Variants in CADM2 observed in about 807,000 individuals in gnomAD.
CADM2 encodes immunoglobulin superfamily member 4D.
CADM2 carries 12 observed loss-of-function variants against 49.8 expected under a neutral mutation model. The ratio of observed to expected loss-of-function variants is 0.24; its 90% CI spans 0.15 to 0.39. The LOEUF is 0.39. Ranked by LOEUF, CADM2 falls within the 10% of genes least tolerant of loss-of-function variation. CADM2 has a pLI of 1.00. For missense variants in CADM2, 378 were observed against 492.3 expected, an observed-to-expected ratio of 0.77 and a Z score of 2.20; for synonymous variants, 214 against 175.4, an observed-to-expected ratio of 1.22 and a Z score of -1.74.
intron 8 of CADM2, among the ~76,000 whole-genome samples, chr3:86,040,464 A>C (rs2107233773): frequency 6.6e-6 from 1 of 152,338 alleles, no homozygotes; most frequent in Non-Finnish European, 1.5e-5. Context: ...GATTCGATCA[A>C]CTGGAAGAAA....
chr3:85,182,891 G>A (rs2040970050), intron 1 of CADM2, among the ~76,000 whole-genome samples: 1 of 151,948 alleles, frequency 6.6e-6, no homozygotes, highest in South Asian at 2.1e-4. Context: ...GATAACACTT[G>A]CAAGTATTAC....
At chr3:85,724,242 C>A (rs1298612968) in intron 1 of CADM2, among the ~76,000 whole-genome samples, 1 of 151,468 alleles carries the variant, frequency 6.6e-6, no homozygotes, top group East Asian at 1.9e-4. Context: ...TCCTTTTTTT[C>A]TCTTGTTTTA....
intron 8 of CADM2, among the ~76,000 whole-genome samples, chr3:85,971,396 A>G (rs974476305): frequency 2.0e-5 from 3 of 151,728 alleles, no homozygotes; most frequent in African/African-American, 7.3e-5. Context: ...GAGGAAGCAT[A>G]GATGCATAGA....
intron 1 of CADM2, among the ~76,000 whole-genome samples, chr3:85,116,578 A>G (rs907278484): frequency 6.6e-6 from 1 of 152,174 alleles, no homozygotes; most frequent in South Asian, 2.1e-4. Flanking sequence ...CTTCTAGAAA[A>G]TAATCATCAT....
intron 2 of CADM2, among the ~76,000 whole-genome samples, chr3:85,781,871 A>G (rs1288093229): frequency 6.6e-6 from 1 of 152,194 alleles, no homozygotes; most frequent in Non-Finnish European, 1.5e-5. Flanking sequence ...AAAACTGTAA[A>G]ATGTTTGGCA....
chr3:85,954,457 T>A (rs1240125817), intron 7 of CADM2, among the ~76,000 whole-genome samples: 2 of 151,128 alleles, frequency 1.3e-5, no homozygotes, highest in African/African-American at 4.8e-5. Flanking sequence ...AAAAGTACAT[T>A]TTTAATCAGC....
At chr3:85,034,476 T>C (rs1448575409) in intron 1 of CADM2, among the ~76,000 whole-genome samples, 1 of 152,158 alleles carries the variant, frequency 6.6e-6, no homozygotes, top group Non-Finnish European at 1.5e-5. Context: ...ATATGCACCA[T>C]ATTTTCTTTA....
At chr3:86,014,092 T>C (rs1731897712) in intron 8 of CADM2, 1 of 1,290,886 alleles carries the variant, frequency 7.7e-7, no homozygotes, top group African/African-American at 1.5e-5. Context: ...GGTAAAGAAC[T>C]GAAGGAAATC....
intron 1 of CADM2, among the ~76,000 whole-genome samples, chr3:85,618,888 T>G (rs2063881180): frequency 6.6e-6 from 1 of 151,944 alleles, no homozygotes; most frequent in African/African-American, 2.4e-5. Context: ...TAATTATTTT[T>G]CTGTAAAAGA....
intron 1 of CADM2, among the ~76,000 whole-genome samples, chr3:85,451,228 A>C (rs959282567): frequency 6.6e-6 from 1 of 152,108 alleles, no homozygotes; most frequent in African/African-American, 2.4e-5. Context: ...AAAGACCAGG[A>C]AGTCTCTTTC....
At chr3:85,043,249 G>C (rs2035512144) in intron 1 of CADM2, among the ~76,000 whole-genome samples, 1 of 151,946 alleles carries the variant, frequency 6.6e-6, no homozygotes, top group Non-Finnish European at 1.5e-5. Flanking sequence ...AGGTAGGAAG[G>C]GGCCAGTCAG....
chr3:85,023,912 A>C (rs2034613144), intron 1 of CADM2, among the ~76,000 whole-genome samples: 1 of 152,040 alleles, frequency 6.6e-6, no homozygotes, highest in Non-Finnish European at 1.5e-5. Context: ...ATTTATGTTA[A>C]GATAAGTTTG....
At chr3:85,451,564 A>G (rs1416685836) in intron 1 of CADM2, among the ~76,000 whole-genome samples, 1 of 152,080 alleles carries the variant, frequency 6.6e-6, no homozygotes, top group Non-Finnish European at 1.5e-5. Flanking sequence ...CAGACCCATC[A>G]TATACTTCCT....
chr3:85,118,459 G>A (rs1305015278), intron 1 of CADM2, among the ~76,000 whole-genome samples: 1 of 152,076 alleles, frequency 6.6e-6, no homozygotes, highest in East Asian at 1.9e-4. Flanking sequence ...ATGACAGAAA[G>A]CAAAAGGCAC....
chr3:85,802,810 G>A (rs145118196), intron 3 of CADM2, among the ~76,000 whole-genome samples: 6 of 152,036 alleles, frequency 3.9e-5, no homozygotes, highest in East Asian at 3.9e-4. Flanking sequence ...TTCATCTTAC[G>A]TAATCCAAGC....
chr3:85,322,672 T>A (rs1048629967), intron 1 of CADM2, among the ~76,000 whole-genome samples: 1 of 152,250 alleles, frequency 6.6e-6, no homozygotes, highest in Non-Finnish European at 1.5e-5. Flanking sequence ...TTCAGCTTTT[T>A]AAAGTATTTT....
chr3:85,395,430 T>C (rs1396316210), intron 1 of CADM2, among the ~76,000 whole-genome samples: 1 of 151,982 alleles, frequency 6.6e-6, no homozygotes, highest in African/African-American at 2.4e-5. Context: ...ATCAATTGAA[T>C]TTAATACAGA....
chr3:85,220,262 T>G (rs1410767431), intron 1 of CADM2, among the ~76,000 whole-genome samples: 1 of 152,106 alleles, frequency 6.6e-6, no homozygotes, highest in Non-Finnish European at 1.5e-5. Flanking sequence ...ACTGAGAAAG[T>G]GCCAATTAAT....
intron 1 of CADM2, among the ~76,000 whole-genome samples, chr3:85,064,548 T>A (rs998056766): frequency 1.1e-4 from 17 of 152,060 alleles, no homozygotes; most frequent in African/African-American, 4.1e-4. Flanking sequence ...CCTACATATT[T>A]TCATGGGTTT....
Sources: allele counts gnomAD v4.1 joint callset (sites outside exome capture counted in the v4.1 genomes callset), GRCh38; gene constraint gnomAD v4.1.1; transcripts MANE v1.5; gene names NCBI Gene and HGNC (gene_info 2026-07-23, HGNC 2026-07-21).